Variants in IQCJ observed in about 807,000 individuals in gnomAD.
The protein encoded by IQCJ is IQ domain-containing protein J.
In IQCJ, 9 loss-of-function variants were observed where a neutral mutation model predicts 11.0. The ratio of observed to expected loss-of-function variants is 0.82; its 90% CI spans 0.49 to 1.43. The LOEUF is 1.43. Ranked by LOEUF, IQCJ falls within the 40% of genes most tolerant of loss-of-function variation. IQCJ has a pLI of 0.00. For missense variants in IQCJ, 146 were observed against 133.2 expected (o/e 1.10, Z -0.47); for synonymous variants, 55 against 51.3 (o/e 1.07, Z -0.31).
At chr3:159,201,627 CTTTTT>C (rs71144478) in intron 1 of IQCJ, among the ~76,000 whole-genome samples, 4 of 70,314 alleles carry the variant, frequency 5.7e-5, no homozygotes, top group African/African-American at 2.2e-4. Context: ...GATAATGATT[CTTTTT>C]TTTTTTTTTT....
chr3:159,248,605 G>A (rs1206377919), intron 2 of IQCJ, among the ~76,000 whole-genome samples: 1 of 152,092 alleles, frequency 6.6e-6, no homozygotes, highest in African/African-American at 2.4e-5. Flanking sequence ...AAAATGCCCT[G>A]GCTTAAGCTC....
intron 1 of IQCJ, among the ~76,000 whole-genome samples, chr3:159,206,678 T>C (rs1420268168): frequency 1.3e-5 from 2 of 152,198 alleles, no homozygotes; most frequent in Non-Finnish European, 2.9e-5. Context: ...CTTTTTCATG[T>C]CTTTTCCCAA....
At chr3:159,235,083 G>A (rs970376848) in intron 1 of IQCJ, among the ~76,000 whole-genome samples, 1 of 152,106 alleles carries the variant, frequency 6.6e-6, no homozygotes, top group African/African-American at 2.4e-5. Flanking sequence ...TTTCTGAGAG[G>A]TGTTTATTTG....
chr3:159,196,825 G>A (rs1445636104), intron 1 of IQCJ, among the ~76,000 whole-genome samples: 6 of 152,120 alleles, frequency 3.9e-5, no homozygotes, highest in African/African-American at 9.7e-5. Flanking sequence ...GCTAGGATTC[G>A]AACCTAGGCA....
At chr3:159,148,550 T>C (rs377021067) in intron 1 of IQCJ, among the ~76,000 whole-genome samples, 2 of 152,198 alleles carry the variant, frequency 1.3e-5, no homozygotes, top group East Asian at 3.9e-4. Flanking sequence ...TTTTATCTGA[T>C]AGCTCCCACA....
chr3:159,163,038 G>A (rs912132168), intron 1 of IQCJ, among the ~76,000 whole-genome samples: 12 of 152,176 alleles, frequency 7.9e-5, no homozygotes, highest in Non-Finnish European at 1.2e-4. Flanking sequence ...ATTCTGATCA[G>A]TAGAAAAAGA....
At chr3:159,084,030 G>C (rs73874799) in intron 1 of IQCJ, among the ~76,000 whole-genome samples, 2,571 of 152,080 alleles carry the variant, frequency 0.017, 67 homozygotes, top group African/African-American at 0.06. Context: ...AAATTATATA[G>C]AACTAAAACC....
chr3:159,223,261 A>G (rs1725652857), intron 1 of IQCJ, among the ~76,000 whole-genome samples: 1 of 152,176 alleles, frequency 6.6e-6, no homozygotes, highest in South Asian at 2.1e-4. Context: ...TACTCACTAA[A>G]AAGTTCAGAT....
At chr3:159,104,495 T>G (rs539777109) in intron 1 of IQCJ, among the ~76,000 whole-genome samples, 1 of 152,356 alleles carries the variant, frequency 6.6e-6, no homozygotes, top group South Asian at 2.1e-4. Flanking sequence ...ACCTTTTCCC[T>G]TTAATACATT....
rs368655581 is a variant in IQCJ at position 159,263,212 on chromosome 3, G to A, written c.*481G>A. On this transcript the variant is annotated 3_prime_UTR_variant, in exon 4 of 4. Transcript: ENST00000397832. ...ACATAGACCTCACCTGAAGGGCAGC[G>A]CACTTGGCTCCTGACAATGTGACAC... 38 of 391,890 alleles carry A rather than the reference G, an allele frequency of 9.7e-5. No homozygotes were observed. In the South Asian group the frequency reaches 1.4e-3, roughly 14 times the overall value. The allele number at this position is 391,890 out of a possible 1,614,324, so 24.3% of individuals were successfully genotyped here.
downstream of IQCJ, among the ~76,000 whole-genome samples, chr3:159,264,933 G>C (rs1391148680): frequency 1.3e-5 from 2 of 151,448 alleles, no homozygotes; most frequent in African/African-American, 4.9e-5. Flanking sequence ...ATTAGAATCA[G>C]AACAGATTTT....
intron 1 of IQCJ, among the ~76,000 whole-genome samples, chr3:159,187,641 C>T (rs1213002828): frequency 6.6e-6 from 1 of 152,182 alleles, no homozygotes; most frequent in Non-Finnish European, 1.5e-5. Flanking sequence ...ACCTAGAAGT[C>T]GCTCTTCTTA....
chr3:159,197,262 T>C (rs115986005), intron 1 of IQCJ, among the ~76,000 whole-genome samples: 6,365 of 152,268 alleles, frequency 0.042, 207 homozygotes, highest in Non-Finnish European at 0.062. Context: ...AGTAATTAAA[T>C]ACTAAAATCC....
chr3:159,161,581 T>A (rs1481685907), intron 1 of IQCJ, among the ~76,000 whole-genome samples: 1 of 152,210 alleles, frequency 6.6e-6, no homozygotes, highest in African/African-American at 2.4e-5. Context: ...TTGCTTTTGG[T>A]GTTTTAGACA....
intron 1 of IQCJ, among the ~76,000 whole-genome samples, chr3:159,211,030 T>G (rs1724924946): frequency 6.6e-6 from 1 of 152,166 alleles, no homozygotes. Context: ...TTGTGTTAGG[T>G]AAGTGCAAGT....
chr3:159,160,198 T>C (rs1003191528), intron 1 of IQCJ, among the ~76,000 whole-genome samples: 1 of 152,224 alleles, frequency 6.6e-6, no homozygotes, highest in African/African-American at 2.4e-5. Context: ...GGAGAGATGC[T>C]GCCCTGTTTC....
At chr3:159,087,246 C>G (rs1487287873) in intron 1 of IQCJ, among the ~76,000 whole-genome samples, 2 of 152,012 alleles carry the variant, frequency 1.3e-5, no homozygotes, top group East Asian at 1.9e-4. Context: ...ATTGAACCAG[C>G]CTTGCATCCC....
At chr3:159,238,273 A>C (rs1266933146) in intron 1 of IQCJ, among the ~76,000 whole-genome samples, 1 of 152,202 alleles carries the variant, frequency 6.6e-6, no homozygotes, top group African/African-American at 2.4e-5. Context: ...GGCTCATGCC[A>C]GTGCCTCCCT....
chr3:159,194,914 C>A (rs1046087335), intron 1 of IQCJ, among the ~76,000 whole-genome samples: 2 of 151,834 alleles, frequency 1.3e-5, no homozygotes, highest in African/African-American at 2.4e-5. Context: ...AGTTTGAGAC[C>A]AGCCTGGCCA....
Sources: allele counts gnomAD v4.1 joint callset (sites outside exome capture counted in the v4.1 genomes callset), GRCh38; gene constraint gnomAD v4.1.1; transcripts MANE v1.5; gene names NCBI Gene and HGNC (gene_info 2026-07-23, HGNC 2026-07-21).